The following RIPOR2 variants were observed in gnomAD, a reference collection of about 807,000 sequenced individuals.
RIPOR2 encodes the protein rho family-interacting cell polarization regulator 2.
A neutral mutation model predicts 114.5 loss-of-function variants in RIPOR2; 39 were observed. That is an observed-to-expected ratio of 0.34 (90% CI 0.26 to 0.44). The LOEUF (loss-of-function observed/expected upper bound fraction) is 0.44. Ranked by LOEUF, RIPOR2 falls within the 20% of genes least tolerant of loss-of-function variation. RIPOR2 has a pLI of 1.00. For synonymous variants in RIPOR2, 445 were observed against 484.4 expected (o/e 0.92, Z 1.07); for missense variants, 1,007 against 1,255.1 (o/e 0.80, Z 2.99).
chr6:24,857,183 G>A (rs1212183131), intron 8 of RIPOR2, among the ~76,000 whole-genome samples: 2 of 152,202 alleles, frequency 1.3e-5, no homozygotes, highest in Admixed American at 1.3e-4. Flanking sequence ...GTGGGGCAAT[G>A]ACAGTTACAG....
intron 1 of RIPOR2, among the ~76,000 whole-genome samples, chr6:25,024,777 G>A (rs1011452945): frequency 9.9e-5 from 15 of 152,214 alleles, no homozygotes; most frequent in Admixed American, 9.2e-4. Context: ...GAGCTGGTGA[G>A]TATCGGACTT....
intron 5 of RIPOR2, among the ~76,000 whole-genome samples, chr6:24,869,502 G>T (rs1177027934): frequency 6.6e-6 from 1 of 152,008 alleles, no homozygotes; most frequent in Non-Finnish European, 1.5e-5. Flanking sequence ...ATATTTAGTA[G>T]AGACGGGGTT....
intron 1 of RIPOR2, among the ~76,000 whole-genome samples, chr6:24,896,364 G>C (rs906511834): frequency 1.3e-5 from 2 of 152,180 alleles, no homozygotes; most frequent in African/African-American, 4.8e-5. Context: ...TGCTGTTCTT[G>C]TTACAGCGAT....
At chr6:25,040,776 A>G (rs536890196) in intron 1 of RIPOR2, among the ~76,000 whole-genome samples, 1 of 152,184 alleles carries the variant, frequency 6.6e-6, no homozygotes, top group Non-Finnish European at 1.5e-5. Context: ...TATTTTTAGT[A>G]GAGACAGGGT....
chr6:24,936,431 T>TTCTTA, upstream of RIPOR2, among the ~76,000 whole-genome samples: 1 of 152,344 alleles, frequency 6.6e-6, no homozygotes, highest in South Asian at 2.1e-4. Context: ...CATTTTTCTT[T>TTCTTA]TCTTTTCTTT....
chr6:24,922,853 A>G (rs1167797454), intron 1 of RIPOR2, among the ~76,000 whole-genome samples: 1 of 126,206 alleles, frequency 7.9e-6, no homozygotes, highest in East Asian at 2.2e-4. Flanking sequence ...AGAACAGGAC[A>G]GTCTCAAAAA....
intron 1 of RIPOR2, among the ~76,000 whole-genome samples, chr6:25,001,701 CTTTTTTT>C (rs775620654): frequency 9.8e-6 from 1 of 102,518 alleles, no homozygotes; most frequent in African/African-American, 3.5e-5. Flanking sequence ...TCCTTTCTTT[CTTTTTTT>C]TTTTTTTTTT....
At chr6:25,001,151 CAT>C (rs1419485649) in intron 1 of RIPOR2, among the ~76,000 whole-genome samples, 1 of 152,166 alleles carries the variant, frequency 6.6e-6, no homozygotes, top group Non-Finnish European at 1.5e-5. Flanking sequence ...TGCTTATACA[CAT>C]ATTTATATAT....
At chr6:25,030,309 G>A (rs1272984750) in intron 1 of RIPOR2, among the ~76,000 whole-genome samples, 1 of 152,106 alleles carries the variant, frequency 6.6e-6, no homozygotes, top group African/African-American at 2.4e-5. Flanking sequence ...TGCCACTGAT[G>A]ATATTCCCAG....
rs1369093396 is a variant in RIPOR2, at chr6:25,015,104, C to T, written c.76+26747G>A. On this transcript the variant is annotated intron_variant, in intron 1 of 13. Transcript: ENST00000510784. ...TCCTCTTTAATTATACAGAGTTGCC[C>T]CCAGAGTACTGAAATGATAGACTAG... The T allele has an allele frequency of 2.6e-5, 4 of 152,114 alleles. No homozygotes were observed. In the East Asian group the frequency reaches 7.7e-4, roughly 29 times the overall value. 9.4% of individuals were successfully genotyped at this position (152,114 alleles called of 1,614,324 possible).
chr6:24,976,499 G>C (rs925179189), intron 1 of RIPOR2: 2 of 1,578,460 alleles, frequency 1.3e-6, no homozygotes, highest in Non-Finnish European at 1.7e-6. Flanking sequence ...TAAGGGGCCT[G>C]GAAACCAAGA....
chr6:24,864,289 C>A (rs1252675255), intron 7 of RIPOR2, among the ~76,000 whole-genome samples: 2 of 152,150 alleles, frequency 1.3e-5, no homozygotes, highest in Non-Finnish European at 2.9e-5. Context: ...AAGATCGCGC[C>A]ACTGCACTCC....
At chr6:24,917,017 CCT>C (rs1357156123) in intron 1 of RIPOR2, among the ~76,000 whole-genome samples, 1 of 152,126 alleles carries the variant, frequency 6.6e-6, no homozygotes, top group East Asian at 1.9e-4. Flanking sequence ...ATAGCAGTCT[CCT>C]TCTCTCCAGA....
chr6:25,000,307 G>A (rs985665801), intron 1 of RIPOR2, among the ~76,000 whole-genome samples: 11 of 152,168 alleles, frequency 7.2e-5, no homozygotes, highest in African/African-American at 2.2e-4. Flanking sequence ...CTGACCACTC[G>A]CGAAAACTCA....
chr6:24,951,661 G>A (rs903193161), intron 1 of RIPOR2, among the ~76,000 whole-genome samples: 1 of 152,192 alleles, frequency 6.6e-6, no homozygotes, highest in Admixed American at 6.5e-5. Flanking sequence ...GCACTTCATA[G>A]GAACATTAAA....
At chr6:24,929,496 C>A (rs1771209260) in intron 1 of RIPOR2, 1 of 152,188 alleles carries the variant, frequency 6.6e-6, no homozygotes, top group Non-Finnish European at 1.5e-5. Context: ...TTAGCACTTG[C>A]ATTTCTAGTT....
intron 1 of RIPOR2, among the ~76,000 whole-genome samples, chr6:24,958,958 C>CTTTCTTTTTTTTTTT (rs139147901): frequency 4.1e-5 from 5 of 123,220 alleles, no homozygotes; most frequent in South Asian, 2.5e-4. Flanking sequence ...TCTACATTTT[C>CTTTCTTTTTTTTTTT]TTTTTTTTTT....
intron 1 of RIPOR2, among the ~76,000 whole-genome samples, chr6:24,890,554 G>C (rs1767254062): frequency 6.6e-6 from 1 of 152,088 alleles, no homozygotes; most frequent in South Asian, 2.1e-4. Flanking sequence ...TACCATGTAT[G>C]TTATTTGGGT....
chr6:24,810,752 C>T (rs1449968736), intron 20 of RIPOR2, among the ~76,000 whole-genome samples: 3 of 132,566 alleles, frequency 2.3e-5, no homozygotes, highest in Non-Finnish European at 5.2e-5. Context: ...TATTTGGGCA[C>T]CTGAAGGTAA....
Sources: allele counts gnomAD v4.1 joint callset (sites outside exome capture counted in the v4.1 genomes callset), GRCh38; gene constraint gnomAD v4.1.1; transcripts MANE v1.5; gene names NCBI Gene and HGNC (gene_info 2026-07-23, HGNC 2026-07-21).